Variants in RBKS observed in about 807,000 individuals in gnomAD.
RBKS encodes ribokinase.
RBKS carries 33 observed loss-of-function variants against 33.9 expected under a neutral mutation model. That is an observed-to-expected ratio of 0.97 (90% CI 0.74 to 1.30). RBKS has a LOEUF of 1.30. Among genes scored for constraint, RBKS ranks in the 50% most tolerant of loss-of-function variants. The pLI is 0.00. For synonymous variants in RBKS, 125 were observed against 143.0 expected (o/e 0.87, Z 0.90); for missense variants, 361 against 392.6 (o/e 0.92, Z 0.68).
intron 5 of RBKS, 64 bp from the exon 6 acceptor site, chr2:27,832,841 C>T (rs74741851): frequency 1.9e-6 from 2 of 1,050,436 alleles, no homozygotes; most frequent in Admixed American, 1.7e-5. Context: ...CATTTACAGA[C>T]AACATTCAGT....
At chr2:27,823,796 A>G (rs1035467247) in intron 7 of RBKS, among the ~76,000 whole-genome samples, 1 of 152,212 alleles carries the variant, frequency 6.6e-6, no homozygotes, top group African/African-American at 2.4e-5. Flanking sequence ...GAGTCCATTC[A>G]CGCATATTCA....
chr2:27,840,800 G>A (rs973479862), intron 5 of RBKS, among the ~76,000 whole-genome samples: 29 of 152,208 alleles, frequency 1.9e-4, no homozygotes, highest in Admixed American at 4.6e-4. Flanking sequence ...AACTTAAAGT[G>A]CGACACTGTT....
intron 6 of RBKS, among the ~76,000 whole-genome samples, chr2:27,830,084 C>T (rs1678391845): frequency 6.6e-6 from 1 of 152,132 alleles, no homozygotes; most frequent in Admixed American, 6.5e-5. Flanking sequence ...GGGCTGAATG[C>T]TCTGTGAGGC....
intron 7 of RBKS, among the ~76,000 whole-genome samples, chr2:27,813,039 TAAA>T (rs33918494): frequency 2.2e-4 from 31 of 142,902 alleles, no homozygotes; most frequent in Admixed American, 4.1e-4. Flanking sequence ...AAGAAGCCAT[TAAA>T]AAAAAAAAAA....
Position 27,872,241 on chromosome 2 carries a change from C to T in RBKS, c.90-13670G>A, listed in dbSNP as rs957573087. 4.6e-5 allele frequency among the ~76,000 whole-genome samples: 7 copies of T among 152,106 alleles called. No homozygotes were observed. The South Asian group carries it at 1.0e-3, about 23-fold the overall frequency. On this transcript the variant is annotated intron_variant, in intron 1 of 7. Transcript: ENST00000302188. ...CTTGAAAAATAGTGTTCTAAAGAGC[C>T]GTTTATTGTAACGTAACACATTTAA...
intron 5 of RBKS, among the ~76,000 whole-genome samples, chr2:27,838,214 C>A (rs948176274): frequency 6.6e-6 from 1 of 151,726 alleles, no homozygotes; most frequent in Admixed American, 6.6e-5. Context: ...CAAACAAAAA[C>A]AAAACAAAAA....
intron 7 of RBKS, among the ~76,000 whole-genome samples, chr2:27,802,144 C>T (rs1042507321): frequency 6.6e-6 from 1 of 150,438 alleles, no homozygotes; most frequent in African/African-American, 2.4e-5. Context: ...CACCACCATA[C>T]TTTTAAACAA....
At chr2:27,853,017 C>T (rs1428563264) in intron 2 of RBKS, among the ~76,000 whole-genome samples, 2 of 152,074 alleles carry the variant, frequency 1.3e-5, no homozygotes, top group Non-Finnish European at 2.9e-5. Context: ...TATAAAATCT[C>T]AGTTATTAAA....
intron 1 of RBKS, among the ~76,000 whole-genome samples, chr2:27,885,938 G>A (rs915779944): frequency 6.6e-6 from 1 of 152,074 alleles, no homozygotes; most frequent in Non-Finnish European, 1.5e-5. Context: ...ATTAACAAAG[G>A]CCTATGAGCC....
chr2:27,856,123 G>A (rs1376072092), intron 2 of RBKS, among the ~76,000 whole-genome samples: 1 of 152,174 alleles, frequency 6.6e-6, no homozygotes, highest in Non-Finnish European at 1.5e-5. Flanking sequence ...TTTTTAAGAA[G>A]TCTGAGAATA....
At chr2:27,883,045 T>C (rs1427476525) in intron 1 of RBKS, among the ~76,000 whole-genome samples, 4 of 151,764 alleles carry the variant, frequency 2.6e-5, no homozygotes, top group African/African-American at 9.7e-5. Context: ...CCGTGTGACA[T>C]GAGTTTACCT....
intron 6 of RBKS, among the ~76,000 whole-genome samples, chr2:27,831,483 C>G (rs1678412668): frequency 6.6e-6 from 1 of 152,146 alleles, no homozygotes; most frequent in Non-Finnish European, 1.5e-5. Context: ...TTCCTTCTTC[C>G]TAGCATGGTG....
chr2:27,852,864 G>A lies in RBKS; in HGVS notation c.223-4767C>T, dbSNP rs534969768. On this transcript the variant is annotated intron_variant, in intron 2 of 7. Coordinates refer to ENST00000302188, the MANE Select transcript of RBKS (RefSeq NM_022128.3). Reference sequence around the variant, plus strand: ...CATTTTGTCACTTTTCAGTGCCTGAGGGTTATAGTGAACAGCTGGTTGAGG... The same window carrying A: ...CATTTTGTCACTTTTCAGTGCCTGAAGGTTATAGTGAACAGCTGGTTGAGG... 2.5e-4 allele frequency among the ~76,000 whole-genome samples: 38 copies of A among 152,286 alleles called. No homozygotes were observed. The South Asian group carries it at 7.5e-3, about 30-fold the overall frequency.
At chr2:27,833,777 T>A (rs1216660488) in intron 5 of RBKS, among the ~76,000 whole-genome samples, 1 of 152,222 alleles carries the variant, frequency 6.6e-6, no homozygotes, top group Non-Finnish European at 1.5e-5. Context: ...TTTCAAGTCT[T>A]TAGAAATTAC....
At chr2:27,812,044 C>T (rs531077838) in intron 7 of RBKS, among the ~76,000 whole-genome samples, 60 of 152,298 alleles carry the variant, frequency 3.9e-4, no homozygotes, top group South Asian at 2.1e-4. Context: ...TGTTCATATC[C>T]TTTGCCCACT....
chr2:27,828,121 A>G (rs1378212896), intron 6 of RBKS, among the ~76,000 whole-genome samples: 1 of 152,264 alleles, frequency 6.6e-6, no homozygotes, highest in Non-Finnish European at 1.5e-5. Flanking sequence ...ACAACAAAAT[A>G]CTTTTTTTTC....
At chr2:27,833,454 G>A (rs1678462376) in intron 5 of RBKS, among the ~76,000 whole-genome samples, 1 of 152,154 alleles carries the variant, frequency 6.6e-6, no homozygotes, top group African/African-American at 2.4e-5. Flanking sequence ...TAGCTCAGAC[G>A]GAGAGGCTAC....
At chr2:27,813,850 C>T (rs1022868981) in intron 7 of RBKS, among the ~76,000 whole-genome samples, 3 of 152,114 alleles carry the variant, frequency 2.0e-5, no homozygotes, top group African/African-American at 7.2e-5. Context: ...GATCTAGATT[C>T]CCTGTAGTAA....
chr2:27,861,666 G>C (rs879644685), intron 1 of RBKS: 26 of 431,706 alleles, frequency 6.0e-5, no homozygotes, highest in Non-Finnish European at 1.1e-4. Context: ...TTCTTTTTGG[G>C]GGGGGGGTGG....
Sources: gnomAD v4.1 joint callset for allele counts (sites outside exome capture counted in the v4.1 genomes callset) on GRCh38, gnomAD v4.1.1 for gene constraint, MANE v1.5 for transcripts, NCBI Gene and HGNC (gene_info 2026-07-23, HGNC 2026-07-21) for gene names.